USP36: variants seen among roughly 807,000 people sequenced by gnomAD.
The protein encoded by USP36 is ubiquitin carboxyl-terminal hydrolase 36.
A neutral mutation model predicts 111.5 loss-of-function variants in USP36; 59 were observed. That is an observed-to-expected ratio of 0.53 (90% CI 0.43 to 0.66). The LOEUF (loss-of-function observed/expected upper bound fraction) is 0.66, where lower values mean the gene tolerates loss of function less well. Among genes scored for constraint, USP36 ranks in the 30% least tolerant of loss-of-function variants. The pLI, the probability that USP36 is intolerant of heterozygous loss-of-function variation, is 0.00. For synonymous variants in USP36, 628 were observed against 581.0 expected, an observed-to-expected ratio of 1.08 and a Z score of -1.16; for missense variants, 1,488 against 1,468.0, an observed-to-expected ratio of 1.01 and a Z score of -0.22.
downstream of USP36, among the ~76,000 whole-genome samples, chr17:78,791,023 G>C (rs2093578919): frequency 6.6e-6 from 1 of 151,758 alleles, no homozygotes; most frequent in African/African-American, 2.4e-5. Context: ...TGACAATCAT[G>C]ATAATTTGAA....
At chr17:78,806,319 G>A (rs768845003) in intron 14 of USP36, 33 bp from the exon 15 acceptor site, 1 of 1,611,526 alleles carries the variant, frequency 6.2e-7, no homozygotes, top group South Asian at 1.1e-5. Context: ...AAACTTGGTG[G>A]TCTAAAAAAG....
Position 78,802,464 on chromosome 17 carries a change from CTTTTTTTCTT to C in USP36, c.2872_2881del (p.Lys958GlufsTer9). 6.3e-7 allele frequency: 1 copy of C among 1,580,920 alleles called. No individual in the cohort carries two copies. Among genetic ancestry groups the C allele is most frequent in the Non-Finnish European group, 8.6e-7 (1 of 1,160,100 alleles). On this transcript the variant is annotated frameshift_variant, in exon 17 of 21. Coordinates refer to ENST00000449938, the MANE Select transcript of USP36 (RefSeq NM_001385174.1). LOFTEE classifies it high-confidence loss of function. The stretch of plus-strand genomic sequence containing the variant: ...TACTGCCCGCTGTGTCTCCTGCTTT[CTTTTTTTCTT>C]TTTCTTTTTCCTTGGAGACTCTTCC...
At chr17:78,811,394 T>C (rs75130659) in intron 13 of USP36, among the ~76,000 whole-genome samples, 4 of 152,332 alleles carry the variant, frequency 2.6e-5, no homozygotes, top group African/African-American at 9.6e-5. Flanking sequence ...TATGTACGTA[T>C]GCATATACAC....
At chr17:78,816,903 T>TC (rs2094202748) in intron 10 of USP36, among the ~76,000 whole-genome samples, 1 of 152,196 alleles carries the variant, frequency 6.6e-6, no homozygotes, top group Non-Finnish European at 1.5e-5. Context: ...AATTCCCACA[T>TC]CCCAGTCATT....
In USP36 at chr17:78,818,699, A is replaced by G. The variant is rs1411484691; in HGVS notation, c.991T>C (p.Phe331Leu). 6.2e-7 allele frequency: 1 copy of G among 1,613,838 alleles called. No homozygotes were observed. The highest frequency in any genetic ancestry group is 2.2e-5 in the East Asian group (1 of 44,892). ...ATCTTCCCCCCGCTGAAGTTGGCAA[A>G]GCGCTTGAGGGAAAGGGTTAAGACG... ...SNVLTLSLKR[F>L]ANFSGGKITK... The change falls in exon 10 of 21, where the codon TTT becomes CTT. Residue 331 changes from phenylalanine (F) to leucine (L), a missense_variant. Coordinates refer to ENST00000449938, the MANE Select transcript of USP36 (RefSeq NM_001385174.1).
chr17:78,807,940 G>A (rs761775479), intron 13 of USP36, among the ~76,000 whole-genome samples: 4 of 152,132 alleles, frequency 2.6e-5, no homozygotes, highest in African/African-American at 4.8e-5. Context: ...CTGGCCTCGA[G>A]CAGTCCACCT....
chr17:78,804,879 C>T (rs1016580962), intron 15 of USP36, among the ~76,000 whole-genome samples: 7 of 152,180 alleles, frequency 4.6e-5, no homozygotes, highest in African/African-American at 1.7e-4. Flanking sequence ...ATTTATTTTC[C>T]AACCTCCGAA....
In USP36 at chr17:78,835,506, G is replaced by A. The variant is rs2068578679; in HGVS notation, c.254-5C>T. 2.5e-6 allele frequency: 4 copies of A among 1,587,196 alleles called. No homozygotes were observed. The South Asian group carries it at 4.6e-5, about 18-fold the overall frequency. Reference sequence around the variant, plus strand: ...TCTCATACGTGTGCTCACTGCCTGAGGAAGAAAGGGACAAGGGAAGAAAAG... The same window carrying A: ...TCTCATACGTGTGCTCACTGCCTGAAGAAGAAAGGGACAAGGGAAGAAAAG... On this transcript the variant is annotated splice_region_variant and splice_polypyrimidine_tract_variant and intron_variant, in intron 3 of 20. Transcript: ENST00000449938.
chr17:78,840,960 G>C (rs1006895642), upstream of USP36: 2 of 152,296 alleles, frequency 1.3e-5, no homozygotes, highest in Non-Finnish European at 2.9e-5. Flanking sequence ...GCCCACCGCC[G>C]CTTCCGTGTC....
Position 78,798,199 on chromosome 17 carries a change from G to A in USP36, c.*20+201C>T, listed in dbSNP as rs1458126143. ...CCCACACACACCCCCTTATACACAC[G>A]CATCCCACACACACCCTTCTCCAAG... On this transcript the variant is annotated intron_variant, in intron 20 of 20. Coordinates refer to ENST00000449938, the MANE Select transcript of USP36 (RefSeq NM_001385174.1). The surrounding 1 kb of genome is among the most constrained non-coding windows in gnomAD (Gnocchi z 5.1). 17 of 588,496 alleles carry A rather than the reference G, an allele frequency of 2.9e-5. No individual in the cohort carries two copies. The highest frequency in any genetic ancestry group is 6.4e-5 in the Admixed American group (2 of 31,318). 36.5% of individuals were successfully genotyped at this position (588,496 alleles called of 1,614,324 possible).
intron 4 of USP36, among the ~76,000 whole-genome samples, chr17:78,833,357 A>T (rs1225657418): frequency 6.6e-6 from 1 of 151,624 alleles, no homozygotes; most frequent in Non-Finnish European, 1.5e-5. Flanking sequence ...TCTCAGCTCA[A>T]TGCAACCTCT....
At chr17:78,799,206 G>A (rs1281333045) in intron 18 of USP36, among the ~76,000 whole-genome samples, 183 bp from the exon 19 acceptor site, 1 of 152,204 alleles carries the variant, frequency 6.6e-6, no homozygotes, top group Middle Eastern at 3.2e-3. Flanking sequence ...CGGTCAGCAT[G>A]GAACCCCCAG....
At chr17:78,807,681 C>T (rs774168862) in intron 13 of USP36, 45 bp from the exon 14 acceptor site, 94 of 1,498,918 alleles carry the variant, frequency 6.3e-5, no homozygotes, top group Non-Finnish European at 8.2e-5. Flanking sequence ...AGCGAGAAGT[C>T]TCAGCTGGGC....
intron 10 of USP36, among the ~76,000 whole-genome samples, chr17:78,816,247 A>T (rs917797604): frequency 2.0e-5 from 3 of 151,678 alleles, no homozygotes; most frequent in African/African-American, 7.3e-5. Context: ...GTAACTTCAA[A>T]CTCCTGGACT....
chr17:78,805,298 C>T lies in USP36; in HGVS notation c.2216+858G>A, dbSNP rs143102313. Among the ~76,000 whole-genome samples, 5 of 152,232 alleles carry T rather than the reference C, an allele frequency of 3.3e-5. No individual in the cohort carries two copies. The East Asian group carries it at 5.8e-4, about 18-fold the overall frequency. On this transcript the variant is annotated intron_variant, in intron 15 of 20. Transcript: ENST00000449938. ...CCAAAAAAGCTTATAAGGCAAGAAA[C>T]GAAAAACACCCAAACACTTAAGGCC...
At chr17:78,823,391 G>A (rs540180388) in intron 6 of USP36, among the ~76,000 whole-genome samples, 20 of 152,190 alleles carry the variant, frequency 1.3e-4, no homozygotes, top group African/African-American at 2.6e-4. Context: ...ACCAGCGCCC[G>A]CAGGGCCACA....
At chr17:78,837,052 G>C (rs1324162367) in intron 2 of USP36, among the ~76,000 whole-genome samples, 1 of 152,072 alleles carries the variant, frequency 6.6e-6, no homozygotes, top group Non-Finnish European at 1.5e-5. Context: ...AAACATCCCA[G>C]TAATTTTTAG....
Position 78,799,665 on chromosome 17 carries a change from AC to A in USP36, c.3124+1del. ...ACAGAAGTCCTGTCTCCAAATCAGTACCTTTTCTCCCGTAAGCTTTATCAGA... is the reference window on the plus strand; with the variant it reads ...ACAGAAGTCCTGTCTCCAAATCAGTACTTTTCTCCCGTAAGCTTTATCAGA... On this transcript the variant is annotated splice_donor_variant, in intron 18 of 20. Coordinates refer to ENST00000449938, the MANE Select transcript of USP36 (RefSeq NM_001385174.1). LOFTEE classifies it high-confidence loss of function. The A allele has an allele frequency of 5.0e-6, 8 of 1,611,374 alleles. No homozygotes were observed. The highest frequency in any genetic ancestry group is 6.8e-6 in the Non-Finnish European group (8 of 1,179,044).
intron 5 of USP36, among the ~76,000 whole-genome samples, chr17:78,827,921 A>C (rs1882494863): frequency 6.6e-6 from 1 of 152,156 alleles, no homozygotes; most frequent in Non-Finnish European, 1.5e-5. Flanking sequence ...AGAAAGAAAA[A>C]GAATAAAGAA....
Sources: allele counts gnomAD v4.1 joint callset (sites outside exome capture counted in the v4.1 genomes callset), GRCh38; gene constraint gnomAD v4.1.1; non-coding constraint Gnocchi (gnomAD v3.1); transcripts MANE v1.5; gene names NCBI Gene and HGNC (gene_info 2026-07-23, HGNC 2026-07-21).